ITPR1: variants seen among roughly 807,000 people sequenced by gnomAD.
The protein encoded by ITPR1 is inositol 1,4,5-trisphosphate-gated calcium channel ITPR1.
In ITPR1, 96 loss-of-function variants were observed where a neutral mutation model predicts 318.4. That is an observed-to-expected ratio of 0.30 (90% CI 0.26 to 0.36). The LOEUF (loss-of-function observed/expected upper bound fraction) is 0.36. Among genes scored for constraint, ITPR1 ranks in the 10% least tolerant of loss-of-function variants. The pLI is 1.00. For synonymous variants in ITPR1, 1,312 were observed against 1,289.9 expected, an observed-to-expected ratio of 1.02 and a Z score of -0.37; for missense variants, 2,440 against 3,460.2, an observed-to-expected ratio of 0.71 and a Z score of 7.40.
intron 61 of ITPR1, among the ~76,000 whole-genome samples, chr3:4,844,648 C>A (rs909921291): frequency 6.6e-6 from 1 of 152,172 alleles, no homozygotes; most frequent in African/African-American, 2.4e-5. Flanking sequence ...CTTCCTGAGC[C>A]GAATCTGTGG....
At chr3:4,828,447 G>T (rs533927223) in intron 60 of ITPR1, among the ~76,000 whole-genome samples, 4 of 152,304 alleles carry the variant, frequency 2.6e-5, no homozygotes, top group African/African-American at 9.6e-5. Context: ...TCTATTCAGA[G>T]TCTCAAATGG....
At chr3:4,734,055 A>G (rs1303477862) in intron 43 of ITPR1, among the ~76,000 whole-genome samples, 1 of 152,208 alleles carries the variant, frequency 6.6e-6, no homozygotes, top group Admixed American at 6.5e-5. Context: ...AATTTGTCCT[A>G]GCACATGCTA....
intron 17 of ITPR1, among the ~76,000 whole-genome samples, chr3:4,666,868 T>C (rs549492093): frequency 2.0e-5 from 3 of 152,222 alleles, no homozygotes; most frequent in Non-Finnish European, 4.4e-5. Flanking sequence ...ATGGATTTTC[T>C]TAGGTATTTA....
intron 24 of ITPR1, among the ~76,000 whole-genome samples, chr3:4,679,067 A>G (rs144300101): frequency 6.6e-6 from 1 of 152,280 alleles, no homozygotes; most frequent in African/African-American, 2.4e-5. Context: ...GGCCTTGAGC[A>G]GGGAGAAACG....
At chr3:4,592,458 T>C (rs968582797) in intron 4 of ITPR1, among the ~76,000 whole-genome samples, 1 of 152,168 alleles carries the variant, frequency 6.6e-6, no homozygotes, top group African/African-American at 2.4e-5. Context: ...TGTTTTCCCT[T>C]TGTGGCCTTT....
chr3:4,801,854 C>A (rs186793392), intron 54 of ITPR1, among the ~76,000 whole-genome samples: 1 of 152,046 alleles, frequency 6.6e-6, no homozygotes, highest in Admixed American at 6.5e-5. Context: ...GAGAAGAGTT[C>A]TTTGGTTTCG....
At chr3:4,708,240 T>C (rs1324311445) in intron 37 of ITPR1, among the ~76,000 whole-genome samples, 2 of 152,058 alleles carry the variant, frequency 1.3e-5, no homozygotes, top group Admixed American at 1.3e-4. Context: ...TCCAGCTAGA[T>C]TATTCCTTTT....
At chr3:4,733,241 A>G (rs1466332714) in intron 43 of ITPR1, 21 bp downstream of exon 43, 1 of 1,612,296 alleles carries the variant, frequency 6.2e-7, no homozygotes, top group Non-Finnish European at 8.5e-7. Context: ...TGGTGTAATT[A>G]CCTTCGTGTG....
At chr3:4,526,925 A>G (rs2083027099) in intron 4 of ITPR1, among the ~76,000 whole-genome samples, 1 of 152,248 alleles carries the variant, frequency 6.6e-6, no homozygotes, top group Non-Finnish European at 1.5e-5. Context: ...CACTGCAACT[A>G]TTTATATATA....
At chr3:4,619,763 CTCTTCTGCCCTCCCCTGCT>C (rs2092548398) in intron 4 of ITPR1, among the ~76,000 whole-genome samples, 3 of 82,350 alleles carry the variant, frequency 3.6e-5, no homozygotes, top group Non-Finnish European at 7.7e-5. Context: ...CTCCCCTCCT[CTCTTCTGCCCTCCCCTGCT>C]CTCCTCTGCC....
At chr3:4,692,036 C>G (rs1376239269) in intron 32 of ITPR1, among the ~76,000 whole-genome samples, 1 of 151,938 alleles carries the variant, frequency 6.6e-6, no homozygotes, top group Non-Finnish European at 1.5e-5. Flanking sequence ...TGCCCATAAT[C>G]CCAGTTACAG....
At chr3:4,753,333 C>T (rs116282683) in intron 44 of ITPR1, among the ~76,000 whole-genome samples, 1 of 152,108 alleles carries the variant, frequency 6.6e-6, no homozygotes, top group Admixed American at 6.5e-5. Flanking sequence ...TTGGGCCTGT[C>T]CCCTGCTTGG....
At chr3:4,610,914 TCCTTC>T (rs142566502) in intron 4 of ITPR1, among the ~76,000 whole-genome samples, 54 of 74,444 alleles carry the variant, frequency 7.3e-4, no homozygotes, top group African/African-American at 1.5e-3. Context: ...CTTCTCCTTC[TCCTTC>T]CCTTCCCTTC....
intron 61 of ITPR1, among the ~76,000 whole-genome samples, chr3:4,841,795 C>A (rs1044867492): frequency 6.6e-6 from 1 of 152,104 alleles, no homozygotes; most frequent in Non-Finnish European, 1.5e-5. Context: ...TAGAGAGAAA[C>A]AGAGCATTTG....
chr3:4,776,669 C>G (rs1049134840), intron 47 of ITPR1, among the ~76,000 whole-genome samples: 3 of 152,150 alleles, frequency 2.0e-5, no homozygotes, highest in Non-Finnish European at 4.4e-5. Flanking sequence ...AAAAAAAATA[C>G]AACAGGCTTG....
At chr3:4,534,730 T>C (rs1303758992) in intron 4 of ITPR1, among the ~76,000 whole-genome samples, 1 of 152,200 alleles carries the variant, frequency 6.6e-6, no homozygotes, top group East Asian at 1.9e-4. Flanking sequence ...AAATTATATG[T>C]GTCTAAAAAT....
chr3:4,680,417 C>G, intron 24 of ITPR1, 136 bp from the exon 25 acceptor site: 1 of 729,994 alleles, frequency 1.4e-6, no homozygotes. Flanking sequence ...AAATCTAAGC[C>G]AAATACTTGG....
At chr3:4,810,661 G>A (rs571785134) in intron 55 of ITPR1, among the ~76,000 whole-genome samples, 6 of 152,312 alleles carry the variant, frequency 3.9e-5, no homozygotes, top group Non-Finnish European at 5.9e-5. Flanking sequence ...CTGTGCGTAC[G>A]TGGTTTACTT....
Position 4,678,946 on chromosome 3 carries a change from C to T in ITPR1, c.2968-1607C>T, listed in dbSNP as rs897351629. Among the ~76,000 whole-genome samples, 3 of 152,292 alleles carry T rather than the reference C, an allele frequency of 2.0e-5. No homozygotes were observed. The East Asian group carries it at 5.8e-4, about 29-fold the overall frequency. ...GGTGTCTAAAATGCTAAGGCTTATT[C>T]TCTGTTGAGCCTTTGAAAGTCTTCA... On this transcript the variant is annotated intron_variant, in intron 24 of 61. Coordinates refer to ENST00000649015, the MANE Select transcript of ITPR1 (RefSeq NM_001378452.1).
Sources: allele counts gnomAD v4.1 joint callset (sites outside exome capture counted in the v4.1 genomes callset), GRCh38; gene constraint gnomAD v4.1.1; transcripts MANE v1.5; gene names NCBI Gene and HGNC (gene_info 2026-07-23, HGNC 2026-07-21).